LRRC28: variants seen among roughly 807,000 people sequenced by gnomAD.
LRRC28 encodes leucine-rich repeat-containing protein 28.
LRRC28 carries 39 observed loss-of-function variants against 45.7 expected under a neutral mutation model. That is an observed-to-expected ratio of 0.85 (90% confidence interval 0.66 to 1.12). The LOEUF (loss-of-function observed/expected upper bound fraction) is 1.12. Among genes scored for constraint, LRRC28 ranks in the 50% most tolerant of loss-of-function variants. The pLI is 0.00. For missense variants in LRRC28, 435 were observed against 438.5 expected (o/e 0.99, Z 0.07); for synonymous variants, 206 against 178.8 (o/e 1.15, Z -1.22).
intron 3 of LRRC28, among the ~76,000 whole-genome samples, chr15:99,282,554 C>T (rs914057661): frequency 7.2e-5 from 11 of 152,114 alleles, no homozygotes; most frequent in African/African-American, 2.4e-4. Flanking sequence ...TGTTTAGATA[C>T]ACAAATACAT....
intron 5 of LRRC28, among the ~76,000 whole-genome samples, chr15:99,319,940 C>T (rs1324909112): frequency 6.6e-6 from 1 of 151,892 alleles, no homozygotes; most frequent in East Asian, 1.9e-4. Flanking sequence ...GTAGCTGGGA[C>T]TACAGGTGGC....
intron 2 of LRRC28, among the ~76,000 whole-genome samples, chr15:99,260,519 G>T (rs930493098): frequency 1.3e-5 from 2 of 152,152 alleles, no homozygotes; most frequent in East Asian, 3.8e-4. Context: ...GTATATCAAA[G>T]AACTTTGTAA....
At chr15:99,258,816 A>T in intron 2 of LRRC28, 2 of 697,562 alleles carry the variant, frequency 2.9e-6, no homozygotes, top group East Asian at 5.6e-5. Context: ...TTTGATGAAT[A>T]TGGATCTAAA....
At chr15:99,361,082 T>C (rs1957186904) in intron 7 of LRRC28, 2 of 334,658 alleles carry the variant, frequency 6.0e-6, no homozygotes, top group East Asian at 1.0e-4. Flanking sequence ...GAAGGAAAGT[T>C]CCTTTAAAGT....
chr15:99,261,467 G>A (rs2081196150), intron 2 of LRRC28, among the ~76,000 whole-genome samples: 1 of 152,130 alleles, frequency 6.6e-6, no homozygotes, highest in South Asian at 2.1e-4. Context: ...GGTGTCTGGT[G>A]AGGTCTCTCT....
intron 1 of LRRC28, among the ~76,000 whole-genome samples, chr15:99,253,100 G>T (rs546259822): frequency 2.0e-5 from 3 of 150,476 alleles, no homozygotes; most frequent in African/African-American, 7.4e-5. Context: ...GAACACCAGG[G>T]GAATTACTTT....
At chr15:99,333,356 A>G (rs1956217736) in intron 5 of LRRC28, among the ~76,000 whole-genome samples, 2 of 152,244 alleles carry the variant, frequency 1.3e-5, no homozygotes, top group South Asian at 2.1e-4. Flanking sequence ...CCGCATGCCT[A>G]AACGGTATCT....
At chr15:99,336,841 T>C (rs1956340792) in intron 6 of LRRC28, among the ~76,000 whole-genome samples, 1 of 152,196 alleles carries the variant, frequency 6.6e-6, no homozygotes, top group South Asian at 2.1e-4. Context: ...GGAGGTGTGC[T>C]CCTAATAACT....
At chr15:99,295,716 G>A (rs559289623) in intron 5 of LRRC28, among the ~76,000 whole-genome samples, 1 of 152,136 alleles carries the variant, frequency 6.6e-6, no homozygotes, top group Non-Finnish European at 1.5e-5. Context: ...AAGTTGTTTT[G>A]CATACCAAAA....
At chr15:99,350,793 T>TTC (rs1177901904) in intron 6 of LRRC28, among the ~76,000 whole-genome samples, 5 of 152,152 alleles carry the variant, frequency 3.3e-5, no homozygotes, top group Non-Finnish European at 5.9e-5. Flanking sequence ...TCTTTCTTTT[T>TTC]TCTCTCTCTC....
chr15:99,254,578 G>C (rs1398136053), intron 1 of LRRC28, among the ~76,000 whole-genome samples: 1 of 152,196 alleles, frequency 6.6e-6, no homozygotes, highest in Non-Finnish European at 1.5e-5. Flanking sequence ...AGTTGTTTCA[G>C]CATTTCCTTA....
chr15:99,349,246 C>T (rs1226327607), intron 6 of LRRC28, among the ~76,000 whole-genome samples: 3 of 151,942 alleles, frequency 2.0e-5, no homozygotes, highest in Admixed American at 6.6e-5. Context: ...TTATTCTCTT[C>T]TGGAATCTGC....
At chr15:99,349,813 G>A (rs1274123699) in intron 6 of LRRC28, among the ~76,000 whole-genome samples, 1 of 152,194 alleles carries the variant, frequency 6.6e-6, no homozygotes, top group Non-Finnish European at 1.5e-5. Flanking sequence ...ATGCCCCTCA[G>A]ACATAGTTTT....
chr15:99,306,170 G>A (rs1482837994), intron 5 of LRRC28, among the ~76,000 whole-genome samples: 1 of 152,164 alleles, frequency 6.6e-6, no homozygotes, highest in African/African-American at 2.4e-5. Flanking sequence ...TAATGATGCC[G>A]AGGCATTTCT....
intron 9 of LRRC28, among the ~76,000 whole-genome samples, chr15:99,369,566 T>C (rs140959799): frequency 1.3e-3 from 205 of 152,276 alleles, no homozygotes; most frequent in African/African-American, 4.0e-3. Context: ...TTAGGGAGAA[T>C]ACCTTCTACT....
At chr15:99,294,489 A>G (rs1448698895) in intron 5 of LRRC28, among the ~76,000 whole-genome samples, 4 of 152,216 alleles carry the variant, frequency 2.6e-5, no homozygotes, top group Non-Finnish European at 5.9e-5. Flanking sequence ...CTGTAAACAA[A>G]TACCATAAAT....
chr15:99,277,114 C>T (rs1336620892), intron 3 of LRRC28, among the ~76,000 whole-genome samples: 1 of 151,990 alleles, frequency 6.6e-6, no homozygotes, highest in East Asian at 1.9e-4. Context: ...TGTTAATTAT[C>T]TGTTAACTTA....
intron 2 of LRRC28, chr15:99,259,587 T>C: frequency 4.7e-6 from 7 of 1,489,296 alleles, no homozygotes; most frequent in Non-Finnish European, 6.6e-6. Flanking sequence ...TCTGGCAACA[T>C]GGAGAGAATC....
chr15:99,285,772 A>C, intron 3 of LRRC28: 1 of 513,736 alleles, frequency 1.9e-6, no homozygotes, highest in Non-Finnish European at 3.7e-6. Context: ...TTATAGGTGG[A>C]ACTTGAATTG....
Sources: allele counts gnomAD v4.1 joint callset (sites outside exome capture counted in the v4.1 genomes callset), GRCh38; gene constraint gnomAD v4.1.1; transcripts MANE v1.5; gene names NCBI Gene and HGNC (gene_info 2026-07-23, HGNC 2026-07-21).